The following ACER1 variants were observed in gnomAD, a reference collection of about 807,000 sequenced individuals.
The protein encoded by ACER1 is CTB-180A7.3.
ACER1 carries 28 observed loss-of-function variants against 24.9 expected under a neutral mutation model. The ratio of observed to expected loss-of-function variants is 1.13; its 90% confidence interval spans 0.83 to 1.54. ACER1 has a LOEUF of 1.54. Among genes scored for constraint, ACER1 ranks in the 40% most tolerant of loss-of-function variants. The pLI is 0.00. For synonymous variants in ACER1, 132 were observed against 131.4 expected, an observed-to-expected ratio of 1.00 and a Z score of -0.03; for missense variants, 352 against 349.3, an observed-to-expected ratio of 1.01 and a Z score of -0.06.
At chr19:6,340,296 GAA>G in the ACER1 span, among the ~76,000 whole-genome samples, 4 of 150 alleles carry the variant, frequency 0.027, no homozygotes, top group Admixed American at 0.25. Flanking sequence ...AAGAAAGAAG[GAA>G]GGAAGGAAGG....
chr19:6,325,846 C>G (rs1265258135), intron 1 of ACER1, among the ~76,000 whole-genome samples: 1 of 148,428 alleles, frequency 6.7e-6, no homozygotes, highest in African/African-American at 2.5e-5. Flanking sequence ...GGCAACAGAG[C>G]AAGACCCTGT....
At chr19:6,338,508 C>T (rs75953659), upstream of ACER1, among the ~76,000 whole-genome samples, 701 of 152,204 alleles carry the variant, frequency 4.6e-3, 5 homozygotes, top group African/African-American at 0.016. Flanking sequence ...AAAAGAGGTA[C>T]CACTGGGAGA....
the ACER1 span, among the ~76,000 whole-genome samples, chr19:6,358,152 A>C: frequency 3.3e-5 from 5 of 152,256 alleles, no homozygotes; most frequent in African/African-American, 1.2e-4. Context: ...CACCTGACTC[A>C]CAGCAGAAAC....
In ACER1 at chr19:6,306,713, C is replaced by G. The variant is rs531225608; in HGVS notation, c.*1G>C. ...TTGGATAGTCAAGAGGCTGGCAGGT[C>G]TCAGCAGTCCTTGTCATCACCCCGG... On this transcript the variant is annotated 3_prime_UTR_variant, in exon 6 of 6. Coordinates refer to ENST00000301452, the MANE Select transcript of ACER1 (RefSeq NM_133492.3). 1.7e-5 allele frequency: 28 copies of G among 1,603,468 alleles called. No homozygotes were observed. In the South Asian group the frequency reaches 2.9e-4, roughly 17 times the overall value.
chr19:6,335,906 C>CTTTTTT (rs750891225), upstream of ACER1, among the ~76,000 whole-genome samples: 1 of 141,584 alleles, frequency 7.1e-6, no homozygotes, highest in African/African-American at 2.6e-5. Flanking sequence ...TTTTTCTTTT[C>CTTTTTT]TTTTTTTTTT....
In ACER1 at chr19:6,306,761, C is replaced by T. The variant is rs1024929658; in HGVS notation, c.748G>A (p.Val250Met). ...VRYWPRDSWPVGLPYVEIRGD... is the reference protein window; with the variant it reads ...VRYWPRDSWPMGLPYVEIRGD... Reference sequence around the variant, plus strand: ...CGGATTTCCACGTAGGGCAGCCCCACGGGCCAACTGTCCCGAGGCCAGTAG... The same window carrying T: ...CGGATTTCCACGTAGGGCAGCCCCATGGGCCAACTGTCCCGAGGCCAGTAG... Residue 250 changes from valine (V) to methionine (M), a missense_variant, in exon 6 of 6, where the codon GTG becomes ATG. Val to Met is a conservative substitution (Grantham distance 21). Transcript: ENST00000301452. 3.7e-6 allele frequency: 6 copies of T among 1,613,938 alleles called. No homozygotes were observed. The highest frequency in any genetic ancestry group is 1.1e-5 in the South Asian group (1 of 91,070).
rs141574525 is a variant in ACER1, at chr19:6,307,808, C to T, written c.489-518G>A. 3.8e-3 allele frequency among the ~76,000 whole-genome samples: 553 copies of T among 146,686 alleles called. 5 individuals are homozygous for T. The highest frequency in any genetic ancestry group is 0.013 in the African/African-American group (512 of 39,548). On this transcript the variant is annotated intron_variant, in intron 4 of 5. Coordinates refer to ENST00000301452, the MANE Select transcript of ACER1 (RefSeq NM_133492.3). The stretch of plus-strand genomic sequence containing the variant: ...CCTGTCTTAAAAAACAATAATAGGC[C>T]GGGCGTGATGGCTCACACCTGTAAT...
chr19:6,344,675 C>T, the ACER1 span, among the ~76,000 whole-genome samples: 4 of 151,674 alleles, frequency 2.6e-5, no homozygotes, highest in South Asian at 2.1e-4. Flanking sequence ...GGATTACAAG[C>T]GTGAGCCACC....
At chr19:6,340,225 C>T in the ACER1 span, among the ~76,000 whole-genome samples, 1 of 145,844 alleles carries the variant, frequency 6.9e-6, no homozygotes. Flanking sequence ...AGGTTGTAGT[C>T]AGCCAAGATC....
the ACER1 span, among the ~76,000 whole-genome samples, chr19:6,353,035 A>G: frequency 6.6e-6 from 1 of 152,176 alleles, no homozygotes. Context: ...CACATTAAAT[A>G]TTTATGGAGT....
chr19:6,315,743 G>A (rs1440206042), intron 1 of ACER1, among the ~76,000 whole-genome samples: 1 of 151,936 alleles, frequency 6.6e-6, no homozygotes, highest in Non-Finnish European at 1.5e-5. Context: ...TCTAACTCCA[G>A]GACTCAAGCA....
At chr19:6,332,450 T>G (rs1213282589) in intron 1 of ACER1, among the ~76,000 whole-genome samples, 1 of 151,680 alleles carries the variant, frequency 6.6e-6, no homozygotes, top group East Asian at 1.9e-4. Flanking sequence ...TTTAAAAACT[T>G]TTTGTAGAGA....
At chr19:6,307,835 C>T (rs545808033) in intron 4 of ACER1, among the ~76,000 whole-genome samples, 33 of 148,298 alleles carry the variant, frequency 2.2e-4, no homozygotes, top group African/African-American at 7.5e-4. Context: ...ACCTGTAATC[C>T]CAGAAGTCTG....
intron 1 of ACER1, among the ~76,000 whole-genome samples, chr19:6,314,250 A>C (rs2091593492): frequency 6.6e-6 from 1 of 151,884 alleles, no homozygotes; most frequent in East Asian, 1.9e-4. Flanking sequence ...CAGGCAGATC[A>C]CTTGAGGTCA....
chr19:6,338,233 C>G (rs533184177), upstream of ACER1, among the ~76,000 whole-genome samples: 1 of 152,302 alleles, frequency 6.6e-6, no homozygotes, highest in African/African-American at 2.4e-5. Context: ...CTCAAGCAAT[C>G]TTCTCACCTT....
At chr19:6,349,448 A>AGGGAGG in the ACER1 span, among the ~76,000 whole-genome samples, 1 of 129,334 alleles carries the variant, frequency 7.7e-6, no homozygotes, top group Admixed American at 7.4e-5. Context: ...AAGGGAGGAA[A>AGGGAGG]GAAGGAAGGA....
the ACER1 span, among the ~76,000 whole-genome samples, chr19:6,356,170 A>AC: frequency 6.7e-6 from 1 of 150,258 alleles, no homozygotes. Flanking sequence ...CGGTGACCTT[A>AC]CCCCCAACCC....
the ACER1 span, among the ~76,000 whole-genome samples, chr19:6,355,982 T>C: frequency 1.3e-5 from 2 of 151,576 alleles, no homozygotes; most frequent in Admixed American, 6.6e-5. Flanking sequence ...ACCCAATAGC[T>C]CATTGAGAAC....
At position 6,309,816 on chromosome 19, in the gene ACER1, C is replaced by T. The variant is rs191706130; in HGVS notation, c.369G>A (p.Leu123=). Residue 123 remains leucine (L), a synonymous_variant, in exon 4 of 6, where the codon CTG becomes CTA. Coordinates refer to ENST00000301452, the MANE Select transcript of ACER1 (RefSeq NM_133492.3). Reference sequence around the variant, plus strand: ...TGCTGACCACAGTGGTGATGAAGACCAGGCGGATGAACTGGGACCTGGGGA... The same window carrying T: ...TGCTGACCACAGTGGTGATGAAGACTAGGCGGATGAACTGGGACCTGGGGA... ...LGGNRSQFIR[L]VFITTVVSTL... is the part of the protein sequence containing the mutation. 35 of 1,614,056 alleles carry T rather than the reference C, an allele frequency of 2.2e-5. No homozygotes were observed. The Admixed American group carries it at 5.8e-4, about 27-fold the overall frequency.
Sources: allele counts gnomAD v4.1 joint callset (sites outside exome capture counted in the v4.1 genomes callset), GRCh38; gene constraint gnomAD v4.1.1; transcripts MANE v1.5; gene names NCBI Gene and HGNC (gene_info 2026-07-23, HGNC 2026-07-21).